INSL6: variants seen among roughly 807,000 people sequenced by gnomAD.
INSL6 encodes insulin like 6, also known as insulin-like peptide INSL6.
In INSL6, 16 loss-of-function variants were observed where a neutral mutation model predicts 9.4. That is an observed-to-expected ratio of 1.70 (90% confidence interval 1.15 to 2.59). The LOEUF (loss-of-function observed/expected upper bound fraction) is 2.59. Among genes scored for constraint, INSL6 ranks in the 30% most tolerant of loss-of-function variants. INSL6 has a pLI of 0.00. For synonymous variants in INSL6, 154 were observed against 96.9 expected (o/e 1.59, Z -3.46); for missense variants, 391 against 257.3 (o/e 1.52, Z -3.56).
downstream of INSL6, among the ~76,000 whole-genome samples, chr9:5,121,541 T>C (rs970918157): frequency 5.3e-5 from 8 of 152,164 alleles, no homozygotes; most frequent in African/African-American, 1.9e-4. Context: ...CCACAGAAAC[T>C]GGGAGTAAGG....
chr9:5,110,602 C>T, the INSL6 span: 2 of 185,610 alleles, frequency 1.1e-5, no homozygotes, highest in Non-Finnish European at 2.2e-5. Context: ...CTTGCACTTA[C>T]AGATATGCCT....
At chr9:5,069,475 C>G in the INSL6 span, among the ~76,000 whole-genome samples, 2 of 152,012 alleles carry the variant, frequency 1.3e-5, no homozygotes, top group Non-Finnish European at 2.9e-5. Flanking sequence ...TGGAAGATCT[C>G]ACTACTAAAT....
the INSL6 span, among the ~76,000 whole-genome samples, chr9:4,996,403 G>A: frequency 2.0e-5 from 3 of 151,954 alleles, no homozygotes; most frequent in African/African-American, 4.8e-5. Flanking sequence ...AGCTGAGATC[G>A]TGCCATTGCA....
chr9:5,086,906 G>C, the INSL6 span, among the ~76,000 whole-genome samples: 2 of 152,110 alleles, frequency 1.3e-5, no homozygotes, highest in African/African-American at 2.4e-5. Flanking sequence ...AACTACTTTC[G>C]CTGGTATCCA....
the INSL6 span, among the ~76,000 whole-genome samples, chr9:5,071,672 A>C: frequency 2.6e-5 from 4 of 152,176 alleles, no homozygotes; most frequent in African/African-American, 9.6e-5. Context: ...CATGGAAGGC[A>C]AAATGAGAAA....
chr9:5,089,925 T>A, the INSL6 span: 1 of 1,151,756 alleles, frequency 8.7e-7, no homozygotes, highest in Non-Finnish European at 1.2e-6. Flanking sequence ...CTGTGTAATA[T>A]AAATGTACAA....
rs41303215 is a variant in INSL6 at position 5,127,180 on chromosome 9, T to C, written c.*11-2669A>G. 1,031 of 236,952 alleles carry C rather than the reference T, an allele frequency of 4.4e-3. 5 individuals are homozygous for C. Among genetic ancestry groups the C allele is most frequent in the Non-Finnish European group, 6.0e-3 (723 of 120,268 alleles). The allele number at this position is 236,952 out of a possible 1,614,324, so 14.7% of individuals were successfully genotyped here. On this transcript the variant is annotated intron_variant, in intron 3 of 3. Coordinates refer to the INSL6 transcript ENST00000649639. ...TGTATAGTTTTTACCACAGTGGATGTATAATACCTTGGCATCTTGTGTGAT... is the reference window on the plus strand; with the variant it reads ...TGTATAGTTTTTACCACAGTGGATGCATAATACCTTGGCATCTTGTGTGAT...
At chr9:4,999,390 C>T in the INSL6 span, among the ~76,000 whole-genome samples, 16 of 152,200 alleles carry the variant, frequency 1.1e-4, no homozygotes, top group African/African-American at 3.6e-4. Flanking sequence ...GACCAAATGT[C>T]TCTTCATATA....
the INSL6 span, among the ~76,000 whole-genome samples, chr9:5,006,168 A>C: frequency 1.3e-5 from 2 of 151,882 alleles, no homozygotes; most frequent in African/African-American, 2.4e-5. Context: ...CTTTTATTTC[A>C]TTGAGCAGTG....
At chr9:5,117,134 C>G in the INSL6 span, among the ~76,000 whole-genome samples, 1 of 152,262 alleles carries the variant, frequency 6.6e-6, no homozygotes, top group Non-Finnish European at 1.5e-5. Flanking sequence ...AAGCAGAGAG[C>G]AGCCCTCACC....
chr9:5,085,312 A>G, the INSL6 span: 113 of 748,052 alleles, frequency 1.5e-4, no homozygotes, highest in African/African-American at 1.5e-3. Flanking sequence ...GAAGTCGAAT[A>G]CATCATCTAT....
chr9:5,072,658 T>C, the INSL6 span: 1 of 1,510,220 alleles, frequency 6.6e-7, no homozygotes. Context: ...TTCATGTAGT[T>C]TATGCTGTTT....
chr9:5,172,357 C>G (rs1008623925), intron 1 of INSL6, among the ~76,000 whole-genome samples: 1 of 152,110 alleles, frequency 6.6e-6, no homozygotes. Context: ...TATAAAAACC[C>G]TAGAAGAAGA....
the INSL6 span, among the ~76,000 whole-genome samples, chr9:5,047,314 T>C: frequency 6.6e-6 from 1 of 152,194 alleles, no homozygotes; most frequent in African/African-American, 2.4e-5. Context: ...CTGAACTGTC[T>C]TTAAAGTTCT....
chr9:5,142,181 A>T (rs1330927336), intron 2 of INSL6, among the ~76,000 whole-genome samples: 1 of 152,194 alleles, frequency 6.6e-6, no homozygotes, highest in Non-Finnish European at 1.5e-5. Context: ...TTTGCTGAGG[A>T]ATGCCTTGGC....
At chr9:5,108,341 A>T in the INSL6 span, 2 of 152,274 alleles carry the variant, frequency 1.3e-5, no homozygotes, top group South Asian at 2.1e-4. Flanking sequence ...GGAACCAACC[A>T]GAACGCCTCA....
the INSL6 span, among the ~76,000 whole-genome samples, chr9:5,026,723 G>A: frequency 1.3e-5 from 2 of 152,184 alleles, no homozygotes; most frequent in African/African-American, 4.8e-5. Context: ...GTGTGTACGT[G>A]TATGCGTATG....
At chr9:5,163,023 AT>A (rs1824960414), downstream of INSL6, among the ~76,000 whole-genome samples, 1 of 152,226 alleles carries the variant, frequency 6.6e-6, no homozygotes, top group African/African-American at 2.4e-5. Context: ...GAGTTGAGAT[AT>A]GCAAGCACTT....
the INSL6 span, among the ~76,000 whole-genome samples, chr9:5,078,948 C>A: frequency 1.3e-5 from 2 of 152,140 alleles, no homozygotes; most frequent in African/African-American, 4.8e-5. Context: ...AAATTTCAGT[C>A]AGATAGTTGA....
Sources: gnomAD v4.1 joint callset for allele counts (sites outside exome capture counted in the v4.1 genomes callset) on GRCh38, gnomAD v4.1.1 for gene constraint, MANE v1.5 for transcripts, NCBI Gene and HGNC (gene_info 2026-07-23, HGNC 2026-07-21) for gene names.